The following GGPS1 variants were observed in gnomAD, a reference collection of about 807,000 sequenced individuals.
GGPS1 encodes geranylgeranyl diphosphate synthase 1.
In GGPS1, 15 loss-of-function variants were observed where a neutral mutation model predicts 28.1. The ratio of observed to expected loss-of-function variants is 0.53; its 90% CI spans 0.36 to 0.82. GGPS1 has a LOEUF of 0.82. GGPS1 is among the 40% of genes least tolerant of loss of function. The pLI is 0.01. For missense variants in GGPS1, 284 were observed against 348.3 expected (o/e 0.82, Z 1.47); for synonymous variants, 138 against 122.4 (o/e 1.13, Z -0.84).
At chr1:235,332,902 C>G in intron 1 of GGPS1, among the ~76,000 whole-genome samples, 1 of 151,798 alleles carries the variant, frequency 6.6e-6, no homozygotes, top group Non-Finnish European at 1.5e-5. Context: ...AACCCCGTCT[C>G]TACTAAAATA....
chr1:235,331,630 CT>C (rs574821998), intron 1 of GGPS1, among the ~76,000 whole-genome samples: 20,461 of 131,610 alleles, frequency 0.16, 1,541 homozygotes, highest in African/African-American at 0.24. Context: ...ATACACCGGG[CT>C]TTTTTTTTTT....
chr1:235,337,646 T>C (rs375987706), intron 2 of GGPS1, among the ~76,000 whole-genome samples: 3 of 152,048 alleles, frequency 2.0e-5, no homozygotes, highest in Non-Finnish European at 4.4e-5. Context: ...CTGGCCAACA[T>C]GGTGAAACCC....
upstream of GGPS1, chr1:235,328,280 C>T (rs977036781): frequency 6.0e-5 from 9 of 149,966 alleles, no homozygotes; most frequent in East Asian, 2.0e-4. Flanking sequence ...GCCTCTTAGA[C>T]GACCTTGGAT....
intron 1 of GGPS1, among the ~76,000 whole-genome samples, chr1:235,332,789 G>GT (rs1235734340): frequency 1.3e-5 from 2 of 152,260 alleles, no homozygotes; most frequent in African/African-American, 4.8e-5. Flanking sequence ...GAGTATCAAT[G>GT]ATCAGATCAT....
chr1:235,335,275 C>A lies in GGPS1; in HGVS notation c.11C>A (p.Thr4Asn). 1 of 1,531,846 alleles carries A rather than the reference C, an allele frequency of 6.5e-7. No homozygotes were observed. Among genetic ancestry groups the A allele is most frequent in the Non-Finnish European group, 9.0e-7 (1 of 1,108,022 alleles). The allele number at this position is 1,531,846 out of a possible 1,614,324, so 94.9% of individuals were successfully genotyped here. MEK[T>N]QETVQRILLE... ...TGAAGTTTAAATCCAATGGAGAAGA[C>A]TCAAGAAACAGTCCAAAGAATTCTT... The change falls in exon 2 of 4, where the codon ACT becomes AAT. Residue 4 changes from threonine to asparagine, a missense_variant. Physicochemically the swap from Thr to Asn is moderately conservative, Grantham distance 65 (BLOSUM62 0). Coordinates refer to ENST00000282841, the MANE Select transcript of GGPS1 (RefSeq NM_004837.4).
At chr1:235,327,404 C>G (rs1675381630), upstream of GGPS1, 2 of 152,248 alleles carry the variant, frequency 1.3e-5, no homozygotes, top group African/African-American at 4.8e-5. Flanking sequence ...GCGGGCAGGA[C>G]CGGCCCGCCA....
chr1:235,334,079 G>T (rs1371471663), intron 1 of GGPS1, among the ~76,000 whole-genome samples: 2 of 152,030 alleles, frequency 1.3e-5, no homozygotes, highest in African/African-American at 4.8e-5. Context: ...CAGTATAAAG[G>T]GGAATATGTT....
intron 2 of GGPS1, 142 bp downstream of exon 2, chr1:235,335,476 A>G (rs934361351): frequency 3.9e-6 from 2 of 512,416 alleles, no homozygotes; most frequent in African/African-American, 3.9e-5. Flanking sequence ...TGATAAATAG[A>G]ACATTATAAT....
intron 2 of GGPS1, among the ~76,000 whole-genome samples, chr1:235,338,147 G>A (rs1207585708): frequency 1.3e-5 from 2 of 152,008 alleles, no homozygotes; most frequent in Non-Finnish European, 2.9e-5. Flanking sequence ...TTGGGAGACC[G>A]AAGTGGGCAG....
intron 1 of GGPS1, among the ~76,000 whole-genome samples, chr1:235,333,067 CAAAAAAAAAAAA>C (rs5781828): frequency 6.9e-5 from 3 of 43,318 alleles, no homozygotes; most frequent in African/African-American, 2.3e-4. Context: ...GACTCCGTCT[CAAAAAAAAAAAA>C]AAAAAAAAAA....
chr1:235,335,311 A>G lies in GGPS1; in HGVS notation c.47A>G (p.Tyr16Cys). Residue 16 changes from tyrosine (Y) to cysteine (C), a missense_variant, in exon 2 of 4, where the codon TAT becomes TGT. By Grantham distance (194) the Tyr-to-Cys change is radical. Transcript: ENST00000282841. ...GTCCAAAGAATTCTTCTAGAACCCT[A>G]TAAATACTTACTTCAGTTACCAGGT... is the stretch of plus-strand genomic sequence containing the variant. ...ETVQRILLEPYKYLLQLPGKQ... is the reference protein window; with the variant it reads ...ETVQRILLEPCKYLLQLPGKQ... 6.5e-7 allele frequency: 1 copy of G among 1,539,570 alleles called. No homozygotes were observed. Among genetic ancestry groups the G allele is most frequent in the Non-Finnish European group, 9.0e-7 (1 of 1,113,958 alleles).
chr1:235,340,748 A>AAC (rs1478064586), intron 2 of GGPS1, among the ~76,000 whole-genome samples: 2 of 150,112 alleles, frequency 1.3e-5, no homozygotes, highest in African/African-American at 2.4e-5. Flanking sequence ...AAAAAAAAAA[A>AAC]AAAAAAAAAA....
Position 235,328,884 on chromosome 1 carries a change from T to C in GGPS1, c.-24+106T>C, listed in dbSNP as rs1675568770. ...AAAGAAAGGAGAGTGAGGACCCGGA[T>C]GCTGAACCGGATTGTGTATGAATTT... On this transcript the variant is annotated intron_variant, in intron 1 of 3. Coordinates refer to ENST00000282841, the MANE Select transcript of GGPS1 (RefSeq NM_004837.4). The C allele has an allele frequency of 1.3e-5, 2 of 152,272 alleles. 1 individual carries two copies. Among genetic ancestry groups the C allele is most frequent in the South Asian group, 4.1e-4 (2 of 4,896 alleles). 9.4% of individuals were successfully genotyped at this position (152,272 alleles called of 1,614,324 possible).
At chr1:235,329,021 C>T (rs535399488) in intron 1 of GGPS1, 6 of 152,438 alleles carry the variant, frequency 3.9e-5, no homozygotes, top group African/African-American at 1.4e-4. Flanking sequence ...CCCCTCCGGA[C>T]TCTGTGCTAG....
rs1381823437 is a variant in GGPS1, at chr1:235,342,269, G to A, written c.400G>A (p.Asp134Asn). ...QGQGLDIYWR[D>N]NYTCPTEEEY... ...ACAAGGCCTAGATATTTACTGGAGG[G>A]ATAATTACACTTGTCCCACTGAAGA... The change falls in exon 4 of 4, where the codon GAT (aspartate) becomes AAT (asparagine). Residue 134 changes from aspartate to asparagine, a missense_variant. Coordinates refer to ENST00000282841, the MANE Select transcript of GGPS1 (RefSeq NM_004837.4). 1 of 1,614,142 alleles carries A rather than the reference G, an allele frequency of 6.2e-7. No homozygotes were observed. The highest frequency in any genetic ancestry group is 1.7e-5 in the Admixed American group (1 of 60,010).
In GGPS1 at chr1:235,342,110, A is replaced by G; in HGVS notation, c.241A>G (p.Ser81Gly). The G allele has an allele frequency of 6.2e-7, 1 of 1,614,006 alleles. No homozygotes were observed. The highest frequency in any genetic ancestry group is 8.5e-7 in the Non-Finnish European group (1 of 1,179,844). The change falls in exon 4 of 4, where the codon AGC becomes GGC. Residue 81 changes from serine to glycine, a missense_variant. Coordinates refer to ENST00000282841, the MANE Select transcript of GGPS1 (RefSeq NM_004837.4). Reference sequence around the variant, plus strand: ...CCGACGTGGCTTTCCAGTGGCCCACAGCATCTATGGAATCCCATCTGTCAT... The same window carrying G: ...CCGACGTGGCTTTCCAGTGGCCCACGGCATCTATGGAATCCCATCTGTCAT... ...KLRRGFPVAH[S>G]IYGIPSVINS... is the part of the protein sequence containing the mutation.
chr1:235,342,742 A>T lies in GGPS1; in HGVS notation c.873A>T (p.Leu291Phe). ...NPELVALVKH[L>F]SKMFKEENE ...AGCTAGTAGCCTTAGTAAAACACTT[A>T]AGTAAGATGTTCAAAGAAGAAAATG... is the stretch of plus-strand genomic sequence containing the variant. The change falls in exon 4 of 4, where the codon TTA becomes TTT. Residue 291 changes from leucine (L) to phenylalanine (F), a missense_variant. Coordinates refer to ENST00000282841, the MANE Select transcript of GGPS1 (RefSeq NM_004837.4). 6.3e-7 allele frequency: 1 copy of T among 1,588,116 alleles called. No homozygotes were observed. The highest frequency in any genetic ancestry group is 8.6e-7 in the Non-Finnish European group (1 of 1,169,440).
chr1:235,342,076 C>T lies in GGPS1; in HGVS notation c.207C>T (p.Asn69=), dbSNP rs1298645875. The change falls in exon 4 of 4, where the codon AAC becomes AAT. Residue 69 remains asparagine, a synonymous_variant. Coordinates refer to ENST00000282841, the MANE Select transcript of GGPS1 (RefSeq NM_004837.4). ...TACTCATCGATGATATTGAAGACAACTCAAAACTCCGACGTGGCTTTCCAG... is the reference window on the plus strand; with the variant it reads ...TACTCATCGATGATATTGAAGACAATTCAAAACTCCGACGTGGCTTTCCAG... ...ASLLIDDIED[N]SKLRRGFPVA... is the part of the protein sequence containing the mutation. 6.2e-7 allele frequency: 1 copy of T among 1,611,644 alleles called. No individual in the cohort carries two copies. The highest frequency in any genetic ancestry group is 2.2e-5 in the East Asian group (1 of 44,868).
rs1398547289 is a variant in GGPS1, at chr1:235,342,695, G to A, written c.826G>A (p.Asp276Asn). Reference protein sequence around the residue: ...ELEAKAYKQIDARGGNPELVA... With the variant: ...ELEAKAYKQINARGGNPELVA... ...TGAAGCTAAAGCCTATAAACAGATTGATGCACGTGGTGGGAACCCTGAGCT... is the reference window on the plus strand; with the variant it reads ...TGAAGCTAAAGCCTATAAACAGATTAATGCACGTGGTGGGAACCCTGAGCT... The change falls in exon 4 of 4, where the codon GAT (aspartate) becomes AAT (asparagine). Residue 276 changes from aspartate to asparagine, a missense_variant. By Grantham distance (23) the Asp-to-Asn change is conservative (BLOSUM62 1). Transcript: ENST00000282841. 6.2e-7 allele frequency: 1 copy of A among 1,608,874 alleles called. No homozygotes were observed. Among genetic ancestry groups the A allele is most frequent in the Non-Finnish European group, 8.5e-7 (1 of 1,176,102 alleles).
Sources: gnomAD v4.1 joint callset for allele counts (sites outside exome capture counted in the v4.1 genomes callset) on GRCh38, gnomAD v4.1.1 for gene constraint, MANE v1.5 for transcripts, NCBI Gene and HGNC (gene_info 2026-07-23, HGNC 2026-07-21) for gene names.